Variants in TAS2R1 observed in about 807,000 individuals in gnomAD.
The protein encoded by TAS2R1 is taste 2 receptor member 1.
For missense variants in TAS2R1, 370 were observed against 353.4 expected, an observed-to-expected ratio of 1.05 and a Z score of -0.38; for synonymous variants, 141 against 134.2, an observed-to-expected ratio of 1.05 and a Z score of -0.35.
chr5:9,669,029 T>G (rs1389791145), intron 1 of TAS2R1, among the ~76,000 whole-genome samples: 1 of 152,084 alleles, frequency 6.6e-6, no homozygotes, highest in East Asian at 1.9e-4. Flanking sequence ...GTCTAACATA[T>G]AATGACACTC....
chr5:9,676,991 A>G (rs1445735016), intron 1 of TAS2R1, among the ~76,000 whole-genome samples: 1 of 152,224 alleles, frequency 6.6e-6, no homozygotes, highest in East Asian at 1.9e-4. Flanking sequence ...AATAGCAATC[A>G]CATGGAATCA....
chr5:9,771,400 G>A, the TAS2R1 span, among the ~76,000 whole-genome samples: 1 of 152,116 alleles, frequency 6.6e-6, no homozygotes, highest in South Asian at 2.1e-4. Context: ...TTGTTAATGT[G>A]TTGTTGAATT....
chr5:9,686,185 G>T (rs1196219710), intron 1 of TAS2R1, among the ~76,000 whole-genome samples: 1 of 152,146 alleles, frequency 6.6e-6, no homozygotes, highest in African/African-American at 2.4e-5. Flanking sequence ...CTTTTAAGCT[G>T]CGATCGGATG....
At chr5:9,819,416 A>G in the TAS2R1 span, among the ~76,000 whole-genome samples, 10 of 152,312 alleles carry the variant, frequency 6.6e-5, 1 homozygote, top group East Asian at 1.3e-3. Context: ...ACAAAGCAAT[A>G]ATCTTACAAT....
chr5:9,640,410 A>G (rs1676144011), intron 2 of TAS2R1, among the ~76,000 whole-genome samples: 2 of 151,344 alleles, frequency 1.3e-5, no homozygotes, highest in Admixed American at 1.3e-4. Context: ...CCAAGGTATG[A>G]CAGAGACATG....
At chr5:9,873,370 A>C in the TAS2R1 span, among the ~76,000 whole-genome samples, 2 of 150,104 alleles carry the variant, frequency 1.3e-5, no homozygotes, top group Non-Finnish European at 2.9e-5. Flanking sequence ...GGGGTGCCCC[A>C]TATGAGGAGA....
chr5:9,809,444 A>G, the TAS2R1 span, among the ~76,000 whole-genome samples: 6 of 152,250 alleles, frequency 3.9e-5, no homozygotes, highest in Admixed American at 1.3e-4. Context: ...TAGACCCTCC[A>G]TTATGGGATT....
chr5:9,629,685 G>C lies in TAS2R1; in HGVS notation c.348C>G (p.Ile116Met). 5 of 1,614,164 alleles carry C rather than the reference G, an allele frequency of 3.1e-6. No individual in the cohort carries two copies. In the South Asian group the frequency reaches 5.5e-5, roughly 18 times the overall value. Reference sequence around the variant, plus strand: ...GCTTGGATATCCTCATCTTCAACCAGATGAAGAGTGGGTGACGGACGCTGG... The same window carrying C: ...GCTTGGATATCCTCATCTTCAACCACATGAAGAGTGGGTGACGGACGCTGG... ...KVASVRHPLF[I>M]WLKMRISKLV... Residue 116 changes from isoleucine (I) to methionine (M), a missense_variant, in exon 1 of 1, where the codon ATC becomes ATG. Ile to Met is a conservative substitution (Grantham distance 10, BLOSUM62 1). Transcript: ENST00000382492.
chr5:9,901,071 A>G, the TAS2R1 span, among the ~76,000 whole-genome samples: 3 of 152,072 alleles, frequency 2.0e-5, no homozygotes, highest in Non-Finnish European at 4.4e-5. Context: ...CACTCAGTAA[A>G]TAGGTACTAG....
intron 1 of TAS2R1, among the ~76,000 whole-genome samples, chr5:9,672,388 A>T (rs1740785217): frequency 6.6e-6 from 1 of 152,210 alleles, no homozygotes; most frequent in African/African-American, 2.4e-5. Flanking sequence ...TATGCATCTG[A>T]CAAAGTTCTA....
the TAS2R1 span, among the ~76,000 whole-genome samples, chr5:9,878,615 T>C: frequency 3.9e-5 from 6 of 152,386 alleles, no homozygotes. Context: ...CACTTCATTT[T>C]TCTTGGTTTG....
chr5:9,640,634 A>T (rs547264023), intron 2 of TAS2R1, among the ~76,000 whole-genome samples: 1 of 151,914 alleles, frequency 6.6e-6, no homozygotes, highest in Non-Finnish European at 1.5e-5. Flanking sequence ...TTGGTTTCTC[A>T]GTCAAGCGTC....
the TAS2R1 span, among the ~76,000 whole-genome samples, chr5:9,741,775 C>T: frequency 1.3e-5 from 2 of 152,144 alleles, no homozygotes; most frequent in Admixed American, 6.5e-5. Context: ...CCCCTAAAAG[C>T]TCCTCCCAGT....
the TAS2R1 span, among the ~76,000 whole-genome samples, chr5:9,856,896 C>T: frequency 6.6e-6 from 1 of 152,078 alleles, no homozygotes; most frequent in Non-Finnish European, 1.5e-5. Flanking sequence ...TATCCATCAA[C>T]ACATGAATGG....
chr5:9,788,942 T>TG, the TAS2R1 span, among the ~76,000 whole-genome samples: 86 of 152,284 alleles, frequency 5.6e-4, no homozygotes, highest in African/African-American at 1.9e-3. Context: ...ACAGGGGCTA[T>TG]GCAAGGACAA....
At chr5:9,772,412 T>G in the TAS2R1 span, among the ~76,000 whole-genome samples, 23 of 152,280 alleles carry the variant, frequency 1.5e-4, no homozygotes, top group African/African-American at 5.1e-4. Context: ...AGACTTGTTT[T>G]GTGACCTTAT....
At chr5:9,808,915 G>A in the TAS2R1 span, among the ~76,000 whole-genome samples, 4 of 151,780 alleles carry the variant, frequency 2.6e-5, no homozygotes, top group African/African-American at 9.7e-5. Context: ...CCATGGAGCA[G>A]GAGGAGCAGG....
chr5:9,662,751 C>T (rs569683554), intron 1 of TAS2R1, among the ~76,000 whole-genome samples: 1 of 152,332 alleles, frequency 6.6e-6, no homozygotes, highest in South Asian at 2.1e-4. Context: ...GACTATAACT[C>T]AGTTAAGAAA....
chr5:9,832,074 A>T, the TAS2R1 span, among the ~76,000 whole-genome samples: 1 of 152,214 alleles, frequency 6.6e-6, no homozygotes, highest in African/African-American at 2.4e-5. Flanking sequence ...ACCTGTTATC[A>T]AGTCCAGCTC....
Sources: gnomAD v4.1 joint callset for allele counts (sites outside exome capture counted in the v4.1 genomes callset) on GRCh38, gnomAD v4.1.1 for gene constraint, MANE v1.5 for transcripts, NCBI Gene and HGNC (gene_info 2026-07-23, HGNC 2026-07-21) for gene names.